Variants in PTPRH observed in about 807,000 individuals in gnomAD.
PTPRH encodes protein tyrosine phosphatase receptor type H, also known as receptor-type tyrosine-protein phosphatase H.
PTPRH carries 113 observed loss-of-function variants against 130.2 expected under a neutral mutation model. That is an observed-to-expected ratio of 0.87 (90% confidence interval 0.75 to 1.01). The LOEUF (loss-of-function observed/expected upper bound fraction) is 1.01. Ranked by LOEUF, PTPRH falls within the 50% of genes least tolerant of loss-of-function variation. PTPRH has a pLI of 0.00. For missense variants in PTPRH, 1,430 were observed against 1,425.0 expected, an observed-to-expected ratio of 1.00 and a Z score of -0.06; for synonymous variants, 556 against 577.9, an observed-to-expected ratio of 0.96 and a Z score of 0.54.
At chr19:55,196,113 C>T (rs1001429704) in intron 10 of PTPRH, among the ~76,000 whole-genome samples, 2 of 152,164 alleles carry the variant, frequency 1.3e-5, no homozygotes, top group East Asian at 1.9e-4. Flanking sequence ...TTGTGGATGG[C>T]GCGGTGGCCC....
intron 12 of PTPRH, among the ~76,000 whole-genome samples, chr19:55,190,545 TATATA>T (rs1024025023): frequency 1.8e-4 from 24 of 135,524 alleles, no homozygotes; most frequent in African/African-American, 3.6e-4. Flanking sequence ...ATATATATAA[TATATA>T]ATATATTATA....
In PTPRH at chr19:55,185,881, C is replaced by T. The variant is rs771367694; in HGVS notation, c.2882G>A (p.Arg961Gln). ...ACGCACCTGGAGGAGCAGCAGTTCCCGCACCGTCCAGTTCTCCATCACTTC... is the reference window on the plus strand; with the variant it reads ...ACGCACCTGGAGGAGCAGCAGTTCCTGCACCGTCCAGTTCTCCATCACTTC... ...GEEVMENWTV[R>Q]ELLLLQVEEQ... The change falls in exon 17 of 20, where the codon CGG (arginine) becomes CAG (glutamine). Residue 961 changes from arginine (R) to glutamine (Q), a missense_variant. Coordinates refer to ENST00000376350, the MANE Select transcript of PTPRH (RefSeq NM_002842.5). The T allele has an allele frequency of 1.5e-5, 24 of 1,614,004 alleles. No individual in the cohort carries two copies. The highest frequency in any genetic ancestry group is 3.3e-5 in the Admixed American group (2 of 59,994).
At chr19:55,201,958 T>A in intron 6 of PTPRH, 98 bp downstream of exon 6, 1 of 1,539,872 alleles carries the variant, frequency 6.5e-7, no homozygotes, top group South Asian at 1.3e-5. Flanking sequence ...TGGCTCAATA[T>A]GGCCCAGAGG....
rs766201240 is a variant in PTPRH at position 55,202,262 on chromosome 19, G to C, written c.947C>G (p.Thr316Ser). Residue 316 changes from threonine (T) to serine (S), a missense_variant, in exon 6 of 20, where the codon ACC (threonine) becomes AGC (serine). By Grantham distance (58) the Thr-to-Ser change is moderately conservative. Coordinates refer to ENST00000376350, the MANE Select transcript of PTPRH (RefSeq NM_002842.5). ...GTCTGGGCCATCGGGGACCTCCCAGGTCAGGGCGATGGAGCTGTTGGTCTG... is the reference window on the plus strand; with the variant it reads ...GTCTGGGCCATCGGGGACCTCCCAGCTCAGGGCGATGGAGCTGTTGGTCTG... ...EAQTNSSIAL[T>S]WEVPDGPDPQ... 1.9e-6 allele frequency: 3 copies of C among 1,614,070 alleles called. No individual in the cohort carries two copies. The highest frequency in any genetic ancestry group is 2.7e-5 in the African/African-American group (2 of 74,934).
chr19:55,205,332 T>C lies in PTPRH; in HGVS notation c.613A>G (p.Thr205Ala). The C allele has an allele frequency of 6.2e-7, 1 of 1,614,204 alleles. No homozygotes were observed. Among genetic ancestry groups the C allele is most frequent in the Non-Finnish European group, 8.5e-7 (1 of 1,180,026 alleles). Residue 205 changes from threonine to alanine, a missense_variant, in exon 4 of 20, where the codon ACC (threonine) becomes GCC (alanine). Coordinates refer to ENST00000376350, the MANE Select transcript of PTPRH (RefSeq NM_002842.5). ...AATGGCGACTGCCTCTCACCTGTGGTGGCATTTCGAGTCTCCCGGGAGCTG... is the reference window on the plus strand; with the variant it reads ...AATGGCGACTGCCTCTCACCTGTGGCGGCATTTCGAGTCTCCCGGGAGCTG... ...INSSRETRNA[T>A]TAHNPVRNLR...
chr19:55,185,948 G>A lies in PTPRH; in HGVS notation c.2815C>T (p.Pro939Ser). 1.2e-6 allele frequency: 2 copies of A among 1,614,058 alleles called. No homozygotes were observed. The highest frequency in any genetic ancestry group is 1.7e-5 in the Admixed American group (1 of 60,028). ...CEHYWPLDSQPCTHGHLRVTL... is the reference protein window; with the variant it reads ...CEHYWPLDSQSCTHGHLRVTL... ...ACCCGCAGGTGCCCATGGGTGCAGGGCTGCGAGTCCAGAGGCCAGTAATGC... is the reference window on the plus strand; with the variant it reads ...ACCCGCAGGTGCCCATGGGTGCAGGACTGCGAGTCCAGAGGCCAGTAATGC... The change falls in exon 17 of 20, where the codon CCC becomes TCC. Residue 939 changes from proline to serine, a missense_variant. Transcript: ENST00000376350.
intron 13 of PTPRH, among the ~76,000 whole-genome samples, 159 bp from the exon 14 acceptor site, chr19:55,187,762 C>T (rs112396321): frequency 6.6e-6 from 1 of 151,942 alleles, no homozygotes; most frequent in Non-Finnish European, 1.5e-5. Flanking sequence ...GATGTGTGTG[C>T]CACCTGCCCT....
In PTPRH at chr19:55,197,252, C is replaced by G; in HGVS notation, c.1855G>C (p.Val619Leu). 1 of 1,614,278 alleles carries G rather than the reference C, an allele frequency of 6.2e-7. No individual in the cohort carries two copies. Among genetic ancestry groups the G allele is most frequent in the Non-Finnish European group, 8.5e-7 (1 of 1,180,046 alleles). Reference sequence around the variant, plus strand: ...TCATTGGTCCTGCTGGTCTGGTTGACCCAATTCGCTTGGGGATCTTGCCCC... The same window carrying G: ...TCATTGGTCCTGCTGGTCTGGTTGAGCCAATTCGCTTGGGGATCTTGCCCC... ...RRGQDPQANW[V>L]NQTSRTNETW... Residue 619 changes from valine (V) to leucine (L), a missense_variant, in exon 9 of 20, where the codon GTC becomes CTC. By Grantham distance (32) the Val-to-Leu change is conservative. Coordinates refer to ENST00000376350, the MANE Select transcript of PTPRH (RefSeq NM_002842.5).
At chr19:55,193,801 C>T (rs1446486904) in intron 10 of PTPRH, among the ~76,000 whole-genome samples, 2 of 151,706 alleles carry the variant, frequency 1.3e-5, no homozygotes, top group Non-Finnish European at 2.9e-5. Flanking sequence ...TGGGGAAGGA[C>T]TCCCCGGCAG....
At chr19:55,199,664 A>G (rs986214580) in intron 7 of PTPRH, among the ~76,000 whole-genome samples, 1 of 150,944 alleles carries the variant, frequency 6.6e-6, no homozygotes, top group Non-Finnish European at 1.5e-5. Context: ...AGGAAAAGAA[A>G]GAAAGAGAAA....
At position 55,186,484 on chromosome 19, in the gene PTPRH, T is replaced by C. The variant is rs776544618; in HGVS notation, c.2623A>G (p.Ile875Val). 6.2e-7 allele frequency: 1 copy of C among 1,614,028 alleles called. No individual in the cohort carries two copies. Among genetic ancestry groups the C allele is most frequent in the Admixed American group, 1.7e-5 (1 of 59,994 alleles). ...PIHEEPGSDY[I>V]NASFMPGLWS... ...CTTACGGGCATGAAGCTGGCATTGA[T>C]GTAGTCAGAGCCTGGCTCCTCATGG... The change falls in exon 15 of 20, where the codon ATC (isoleucine) becomes GTC (valine). Residue 875 changes from isoleucine (I) to valine (V), a missense_variant. Coordinates refer to ENST00000376350, the MANE Select transcript of PTPRH (RefSeq NM_002842.5).
In PTPRH at chr19:55,209,387, A is replaced by G; in HGVS notation, c.47T>C (p.Leu16Pro). 6.4e-7 allele frequency: 1 copy of G among 1,562,270 alleles called. No individual in the cohort carries two copies. The highest frequency in any genetic ancestry group is 8.7e-7 in the Non-Finnish European group (1 of 1,152,842). Reference protein sequence around the residue: ...GGLGVWGNLVLLGLCSWTGAR... With the variant: ...GGLGVWGNLVPLGLCSWTGAR... ...CTCTGGGCGGGGAGCACTTACCAGC[A>G]GCACCAGGTTCCCCCAGACCCCGAG... Residue 16 changes from leucine to proline, a missense_variant, in exon 1 of 20, where the codon CTG becomes CCG. Transcript: ENST00000376350. This position sits in a 1 kb window ranked among gnomAD's most constrained non-coding sequence, Gnocchi z 4.1.
At chr19:55,190,314 G>A (rs998405738) in intron 12 of PTPRH, among the ~76,000 whole-genome samples, 4 of 147,878 alleles carry the variant, frequency 2.7e-5, no homozygotes, top group African/African-American at 1.0e-4. Context: ...AGGTTGCGGT[G>A]AGCCGAGATC....
In PTPRH at chr19:55,198,739, G is replaced by C; in HGVS notation, c.1594C>G (p.Leu532Val). 6.2e-7 allele frequency: 1 copy of C among 1,614,154 alleles called. No individual in the cohort carries two copies. Among genetic ancestry groups the C allele is most frequent in the East Asian group, 2.2e-5 (1 of 44,884 alleles). ...AGGCTGCCAGCTTCCAGTTCCTTTA[G>C]GGTGATGTCAGTACCTGAGGTGCTT... ...TQSTSGTDIT[L>V]KELEAGSLYH... The change falls in exon 8 of 20, where the codon CTA becomes GTA. Residue 532 changes from leucine to valine, a missense_variant. By Grantham distance (32) the Leu-to-Val change is conservative (BLOSUM62 1). Transcript: ENST00000376350.
chr19:55,191,616 T>C, intron 11 of PTPRH, 47 bp downstream of exon 11: 1 of 1,611,940 alleles, frequency 6.2e-7, no homozygotes, highest in Non-Finnish European at 8.5e-7. Context: ...TCCTCCTTCT[T>C]CTCCAGCCCC....
At chr19:55,199,890 GAA>G (rs1296675386) in intron 7 of PTPRH, among the ~76,000 whole-genome samples, 1 of 148,288 alleles carries the variant, frequency 6.7e-6, no homozygotes, top group South Asian at 2.1e-4. Flanking sequence ...GAGAAGGAAA[GAA>G]AGAGAGAAAG....
intron 12 of PTPRH, among the ~76,000 whole-genome samples, 190 bp from the exon 13 acceptor site, chr19:55,188,358 C>A (rs2086428132): frequency 6.6e-6 from 1 of 151,966 alleles, no homozygotes. Context: ...ACTAGAACTA[C>A]AAAAATTAGC....
chr19:55,196,479 G>T, intron 10 of PTPRH, 43 bp downstream of exon 10: 3 of 1,582,020 alleles, frequency 1.9e-6, no homozygotes, highest in Admixed American at 1.7e-5. Flanking sequence ...GGGGTCTACC[G>T]AGAATTTCAT....
chr19:55,187,304 C>T (rs1372938305), intron 14 of PTPRH, among the ~76,000 whole-genome samples: 1 of 116,322 alleles, frequency 8.6e-6, no homozygotes. Context: ...GAGATCGCGC[C>T]ACTGCACTCC....
Sources: gnomAD v4.1 joint callset for allele counts (sites outside exome capture counted in the v4.1 genomes callset) on GRCh38, gnomAD v4.1.1 for gene constraint, Gnocchi (gnomAD v3.1) non-coding constraint, MANE v1.5 for transcripts, NCBI Gene and HGNC (gene_info 2026-07-23, HGNC 2026-07-21) for gene names.